The following RBFOX1 variants were observed in gnomAD, a reference collection of about 807,000 sequenced individuals.
RBFOX1 encodes the protein RNA binding protein fox-1 homolog 1.
RBFOX1 carries 8 observed loss-of-function variants against 57.7 expected under a neutral mutation model. That is an observed-to-expected ratio of 0.14 (90% confidence interval 0.08 to 0.25). RBFOX1 has a LOEUF of 0.25. RBFOX1 is among the 10% of genes least tolerant of loss of function. The pLI is 1.00. For synonymous variants in RBFOX1, 326 were observed against 222.4 expected, an observed-to-expected ratio of 1.47 and a Z score of -4.15; for missense variants, 611 against 548.5, an observed-to-expected ratio of 1.11 and a Z score of -1.14.
chr16:7,696,917 G>C (rs1342817304), intron 14 of RBFOX1, among the ~76,000 whole-genome samples: 1 of 152,124 alleles, frequency 6.6e-6, no homozygotes, highest in African/African-American at 2.4e-5. Flanking sequence ...TACTTGAGGT[G>C]TCCAGGAGTA....
At chr16:6,257,928 C>T (rs781735355) in intron 1 of RBFOX1, among the ~76,000 whole-genome samples, 8 of 152,052 alleles carry the variant, frequency 5.3e-5, no homozygotes, top group East Asian at 1.9e-4. Flanking sequence ...ATATTCCTTT[C>T]GGTATATCCC....
intron 4 of RBFOX1, among the ~76,000 whole-genome samples, chr16:7,379,293 C>A (rs946205563): frequency 1.3e-5 from 2 of 152,090 alleles, no homozygotes; most frequent in African/African-American, 4.8e-5. Context: ...TCTTTCTGTC[C>A]AAAAGAGTAT....
At chr16:6,126,609 C>T (rs906128510) in intron 1 of RBFOX1, among the ~76,000 whole-genome samples, 4 of 152,102 alleles carry the variant, frequency 2.6e-5, no homozygotes, top group African/African-American at 9.7e-5. Context: ...TGCATGCTAC[C>T]AGGTCAGGTA....
intron 3 of RBFOX1, among the ~76,000 whole-genome samples, chr16:6,689,506 A>C (rs1262000615): frequency 6.6e-6 from 1 of 152,170 alleles, no homozygotes; most frequent in South Asian, 2.1e-4. Context: ...TTAATGCACA[A>C]ATTTTTTTTA....
chr16:6,689,868 T>A (rs1412818437), intron 3 of RBFOX1, among the ~76,000 whole-genome samples: 2 of 152,302 alleles, frequency 1.3e-5, no homozygotes, highest in East Asian at 3.9e-4. Context: ...TGTCTCTGAA[T>A]GTGGTTTCCT....
chr16:5,435,927 A>G (rs1468471072), intron 1 of RBFOX1, among the ~76,000 whole-genome samples: 1 of 152,232 alleles, frequency 6.6e-6, no homozygotes, highest in Non-Finnish European at 1.5e-5. Context: ...CTTAAAATCT[A>G]GGTACACACC....
At chr16:5,629,502 A>C (rs1178491999) in intron 3 of RBFOX1, among the ~76,000 whole-genome samples, 3 of 152,224 alleles carry the variant, frequency 2.0e-5, no homozygotes, top group African/African-American at 7.2e-5. Flanking sequence ...GGCTTCATGG[A>C]CCATTTAACT....
At chr16:5,417,423 A>T (rs2067190626) in intron 1 of RBFOX1, among the ~76,000 whole-genome samples, 1 of 152,242 alleles carries the variant, frequency 6.6e-6, no homozygotes, top group Non-Finnish European at 1.5e-5. Context: ...AGTAGAAAGC[A>T]CATTTCTGCA....
At chr16:7,358,717 G>C (rs1478845686) in intron 4 of RBFOX1, among the ~76,000 whole-genome samples, 2 of 152,210 alleles carry the variant, frequency 1.3e-5, no homozygotes, top group Non-Finnish European at 2.9e-5. Context: ...ACTGCGCCCA[G>C]TCTCTTAAGT....
intron 4 of RBFOX1, among the ~76,000 whole-genome samples, chr16:7,381,248 G>T (rs772281838): frequency 1.3e-5 from 2 of 152,116 alleles, no homozygotes; most frequent in Non-Finnish European, 2.9e-5. Context: ...AGGTGCAAGT[G>T]GAAATTTTTA....
chr16:5,808,260 T>C (rs2055298588), intron 3 of RBFOX1, among the ~76,000 whole-genome samples: 1 of 152,222 alleles, frequency 6.6e-6, no homozygotes, highest in South Asian at 2.1e-4. Flanking sequence ...AGGGCTGTGT[T>C]CTGTTCCACT....
At chr16:6,939,590 C>A (rs1373747868) in intron 3 of RBFOX1, among the ~76,000 whole-genome samples, 1 of 151,146 alleles carries the variant, frequency 6.6e-6, no homozygotes, top group South Asian at 2.1e-4. Flanking sequence ...CAGCTCACTG[C>A]AACCTCTCCC....
chr16:7,213,891 G>C (rs768497281), intron 4 of RBFOX1, among the ~76,000 whole-genome samples: 19 of 152,108 alleles, frequency 1.2e-4, no homozygotes, highest in Middle Eastern at 3.2e-3. Context: ...CAGCTAGAGG[G>C]CTTTGCCAGC....
At chr16:7,202,319 C>T (rs1159189338) in intron 4 of RBFOX1, among the ~76,000 whole-genome samples, 5 of 146,014 alleles carry the variant, frequency 3.4e-5, no homozygotes, top group Non-Finnish European at 7.5e-5. Context: ...AAAAAAGAAG[C>T]ACAGAAAACA....
chr16:5,434,128 C>G (rs765194258), intron 1 of RBFOX1, among the ~76,000 whole-genome samples: 3 of 152,126 alleles, frequency 2.0e-5, no homozygotes, highest in Non-Finnish European at 4.4e-5. Flanking sequence ...GATGCATGTC[C>G]TGCCAGTCAT....
intron 5 of RBFOX1, among the ~76,000 whole-genome samples, chr16:7,553,434 C>G (rs1475766439): frequency 6.6e-6 from 1 of 152,212 alleles, no homozygotes; most frequent in Non-Finnish European, 1.5e-5. Flanking sequence ...CATGAGGTGC[C>G]ACACCCAGCC....
At chr16:7,579,175 C>G (rs563119717) in intron 5 of RBFOX1, among the ~76,000 whole-genome samples, 1 of 152,254 alleles carries the variant, frequency 6.6e-6, no homozygotes, top group East Asian at 1.9e-4. Context: ...TAGTGGACAG[C>G]AAAAGTTTGT....
At chr16:6,120,071 G>C (rs2152629241) in intron 1 of RBFOX1, among the ~76,000 whole-genome samples, 1 of 152,270 alleles carries the variant, frequency 6.6e-6, no homozygotes, top group African/African-American at 2.4e-5. Context: ...CTTACATTTA[G>C]TATAGAGTTT....
At chr16:6,636,326 A>G (rs530692359) in intron 2 of RBFOX1, among the ~76,000 whole-genome samples, 1 of 152,022 alleles carries the variant, frequency 6.6e-6, no homozygotes, top group Non-Finnish European at 1.5e-5. Context: ...GCCTGCCACC[A>G]CACACGGCTA....
Sources: allele counts gnomAD v4.1 joint callset (sites outside exome capture counted in the v4.1 genomes callset), GRCh38; gene constraint gnomAD v4.1.1; transcripts MANE v1.5; gene names NCBI Gene and HGNC (gene_info 2026-07-23, HGNC 2026-07-21).